The following FARP1 variants were observed in gnomAD, a reference collection of about 807,000 sequenced individuals.
FARP1 encodes the protein FERM, ARH/RhoGEF and pleckstrin domain protein 1.
A neutral mutation model predicts 128.8 loss-of-function variants in FARP1; 52 were observed. The ratio of observed to expected loss-of-function variants is 0.40; its 90% confidence interval spans 0.32 to 0.51. The LOEUF is 0.51. Ranked by LOEUF, FARP1 falls within the 20% of genes least tolerant of loss-of-function variation. The probability of loss-of-function intolerance (pLI) is 0.45; values close to 1 mark genes in which losing one functional copy is unlikely to be tolerated. For synonymous variants in FARP1, 580 were observed against 551.8 expected (o/e 1.05, Z -0.72); for missense variants, 1,333 against 1,367.9 (o/e 0.97, Z 0.40).
Position 98,439,855 on chromosome 13 carries a change from C to T in FARP1, c.2434-106C>T, listed in dbSNP as rs75994621. Reference sequence around the variant, plus strand: ...TGTGGGGCTCTGGGTCTCCTGAGCCCTGCTCAGGGGCACCCCTCCTTTTCC... The same window carrying T: ...TGTGGGGCTCTGGGTCTCCTGAGCCTTGCTCAGGGGCACCCCTCCTTTTCC... On this transcript the variant is annotated intron_variant, in intron 21 of 26. Coordinates refer to ENST00000319562, the MANE Select transcript of FARP1 (RefSeq NM_005766.4). 3,940 of 816,302 alleles carry T rather than the reference C, an allele frequency of 4.8e-3. 78 individuals are homozygous for T. The highest frequency in any genetic ancestry group is 0.026 in the East Asian group (1,051 of 40,462). 50.6% of individuals were successfully genotyped at this position (816,302 alleles called of 1,614,324 possible).
Position 98,206,678 on chromosome 13 carries a change from A to T in FARP1, c.-23-6542A>T, listed in dbSNP as rs547125857. On this transcript the variant is annotated intron_variant, in intron 1 of 26. Coordinates refer to ENST00000319562, the MANE Select transcript of FARP1 (RefSeq NM_005766.4). ...TGAATTGCAAGAGGAAGTCCTTATA[A>T]GTCAGGATACTAAGACAAGACAACT... Among the ~76,000 whole-genome samples the T allele has an allele frequency of 8.1e-4, 123 of 152,318 alleles. 1 individual carries two copies. Among genetic ancestry groups the T allele is most frequent in the Middle Eastern group, 3.4e-3 (1 of 294 alleles).
intron 3 of FARP1, 70 bp downstream of exon 3, chr13:98,343,936 A>T: frequency 1.0e-6 from 1 of 966,104 alleles, no homozygotes; most frequent in African/African-American, 1.7e-5. Flanking sequence ...GGCAGGGGCC[A>T]GTCTAAATGA....
intron 2 of FARP1, among the ~76,000 whole-genome samples, chr13:98,293,123 T>A (rs1458538362): frequency 6.6e-6 from 1 of 152,196 alleles, no homozygotes; most frequent in East Asian, 1.9e-4. Flanking sequence ...ACGAATCTTT[T>A]CTTAACTCAA....
chr13:98,447,928 T>C (rs1266121907), intron 26 of FARP1: 1 of 403,720 alleles, frequency 2.5e-6, no homozygotes, highest in Non-Finnish European at 4.5e-6. Context: ...GCCATGTCCA[T>C]GAAAATAGGA....
At chr13:98,363,995 C>T (rs1888980760) in intron 3 of FARP1, among the ~76,000 whole-genome samples, 1 of 152,172 alleles carries the variant, frequency 6.6e-6, no homozygotes, top group African/African-American at 2.4e-5. Context: ...CTGCCTTGGC[C>T]TCCCAAAGTG....
intron 1 of FARP1, chr13:98,177,232 G>A: frequency 6.5e-7 from 1 of 1,550,018 alleles, no homozygotes. Context: ...AGGTGGCGCT[G>A]CCATGTTTGA....
At chr13:98,297,860 A>T (rs6491413) in intron 2 of FARP1, among the ~76,000 whole-genome samples, 49,386 of 152,026 alleles carry the variant, frequency 0.32, 8,613 homozygotes, top group African/African-American at 0.44. Context: ...AGAATTAAAG[A>T]TAGATTTTGA....
At chr13:98,240,548 G>A (rs1882707291) in intron 2 of FARP1, among the ~76,000 whole-genome samples, 1 of 152,220 alleles carries the variant, frequency 6.6e-6, no homozygotes, top group Admixed American at 6.5e-5. Flanking sequence ...AACTGTACCA[G>A]ATACTTTGTT....
intron 2 of FARP1, among the ~76,000 whole-genome samples, chr13:98,269,337 A>G (rs1347672505): frequency 2.0e-5 from 3 of 152,206 alleles, no homozygotes; most frequent in Non-Finnish European, 2.9e-5. Context: ...CTTAAGTATA[A>G]ACAAAATCTT....
intron 2 of FARP1, 122 bp downstream of exon 2, chr13:98,213,535 C>T: frequency 2.1e-6 from 2 of 971,588 alleles, no homozygotes; most frequent in Non-Finnish European, 3.1e-6. Flanking sequence ...ATGTTCAGCA[C>T]CTCCCTCCCC....
At chr13:98,313,617 C>G (rs1310389650) in intron 2 of FARP1, among the ~76,000 whole-genome samples, 1 of 152,250 alleles carries the variant, frequency 6.6e-6, no homozygotes, top group Non-Finnish European at 1.5e-5. Context: ...CTCAAGCCAG[C>G]TACCTAAGGC....
chr13:98,342,407 TAAAC>T (rs930785116), intron 2 of FARP1, among the ~76,000 whole-genome samples: 7 of 152,278 alleles, frequency 4.6e-5, no homozygotes, highest in East Asian at 1.9e-4. Flanking sequence ...ACAGTAAAAA[TAAAC>T]AAACTGGCTG....
At chr13:98,332,030 G>A (rs1171827836) in intron 2 of FARP1, among the ~76,000 whole-genome samples, 2 of 152,056 alleles carry the variant, frequency 1.3e-5, no homozygotes, top group Non-Finnish European at 2.9e-5. Flanking sequence ...TAGATTGTCA[G>A]TATTTTCGGA....
intron 5 of FARP1, among the ~76,000 whole-genome samples, chr13:98,377,585 T>C (rs1889647369): frequency 6.6e-6 from 1 of 152,204 alleles, no homozygotes. Context: ...TGGCTCTCTC[T>C]CCCTATGTAA....
At position 98,395,458 on chromosome 13, in the gene FARP1, C is replaced by A; in HGVS notation, c.1396C>A (p.Pro466Thr). 1 of 1,589,130 alleles carries A rather than the reference C, an allele frequency of 6.3e-7. No homozygotes were observed. The highest frequency in any genetic ancestry group is 8.6e-7 in the Non-Finnish European group (1 of 1,162,076). Residue 466 changes from proline to threonine, a missense_variant, in exon 13 of 27, where the codon CCC (proline) becomes ACC (threonine). This residue lies in a region of FARP1 where 1,009 missense variants were observed against 969.8 expected (regional missense o/e 1.04). Transcript: ENST00000319562. ...TAGGACCCAGCAGAGTAAACCTCAG[C>A]CCCCGCAGCCAAGCACAGGTCCAGC... is the stretch of plus-strand genomic sequence containing the variant. ...KDRTQQSKPQ[P>T]PQPSTGSLTG...
intron 2 of FARP1, among the ~76,000 whole-genome samples, chr13:98,230,548 G>A (rs562893156): frequency 6.6e-6 from 1 of 152,200 alleles, no homozygotes. Context: ...TGGGCTTGTT[G>A]TGAGGTCCCT....
At chr13:98,286,411 T>C (rs1885169193) in intron 2 of FARP1, among the ~76,000 whole-genome samples, 1 of 152,208 alleles carries the variant, frequency 6.6e-6, no homozygotes, top group African/African-American at 2.4e-5. Context: ...AGGGACCCCA[T>C]GGGAGATAAT....
At position 98,362,457 on chromosome 13, in the gene FARP1, TCA is replaced by T. The variant is rs1888911212; in HGVS notation, c.277-2937_277-2936del. ...GACGGGTGTGAGTTTGAGACAGTTC[TCA>T]GTTTCTTCCTTTGCGGACACTGTCA... On this transcript the variant is annotated intron_variant, in intron 3 of 26. Coordinates refer to ENST00000319562, the MANE Select transcript of FARP1 (RefSeq NM_005766.4). 2.6e-5 allele frequency among the ~76,000 whole-genome samples: 4 copies of T among 152,226 alleles called. No homozygotes were observed. In the South Asian group the frequency reaches 8.3e-4, roughly 32 times the overall value.
Position 98,175,359 on chromosome 13 carries a change from A to G in FARP1, c.-24+31867A>G, listed in dbSNP as rs2139177695. The stretch of plus-strand genomic sequence containing the variant: ...ACATCAGCCAAACAAAATCAAATCC[A>G]AACTTCAGCGTGGATATTCTTCTGT... On this transcript the variant is annotated intron_variant, in intron 1 of 26. Coordinates refer to ENST00000319562, the MANE Select transcript of FARP1 (RefSeq NM_005766.4). Among the ~76,000 whole-genome samples the G allele has an allele frequency of 2.0e-5, 3 of 152,222 alleles. No homozygotes were observed. The Middle Eastern group carries it at 0.01, about 518-fold the overall frequency.
Sources: allele counts gnomAD v4.1 joint callset (sites outside exome capture counted in the v4.1 genomes callset), GRCh38; gene constraint gnomAD v4.1.1; regional missense constraint gnomAD v4.1.1; transcripts MANE v1.5; gene names NCBI Gene and HGNC (gene_info 2026-07-23, HGNC 2026-07-21).